Variants in RBFOX2 observed in about 807,000 individuals in gnomAD.
RBFOX2 encodes the protein RNA binding protein fox-1 homolog 2.
Under a neutral mutation model 49.1 loss-of-function variants are expected in RBFOX2, and 10 were observed. That is an observed-to-expected ratio of 0.20 (90% CI 0.13 to 0.35). RBFOX2 has a LOEUF of 0.35. Among genes scored for constraint, RBFOX2 ranks in the 10% least tolerant of loss-of-function variants. RBFOX2 has a pLI of 1.00. For synonymous variants in RBFOX2, 183 were observed against 187.4 expected, an observed-to-expected ratio of 0.98 and a Z score of 0.19; for missense variants, 323 against 486.9, an observed-to-expected ratio of 0.66 and a Z score of 3.17.
At chr22:35,937,340 G>T (rs1247694619) in intron 1 of RBFOX2, among the ~76,000 whole-genome samples, 1 of 152,108 alleles carries the variant, frequency 6.6e-6, no homozygotes, top group Non-Finnish European at 1.5e-5. Flanking sequence ...TTAGATTTAG[G>T]GTAAATGGCC....
At chr22:36,027,281 A>C (rs1361187459) in intron 1 of RBFOX2, among the ~76,000 whole-genome samples, 1 of 152,186 alleles carries the variant, frequency 6.6e-6, no homozygotes, top group African/African-American at 2.4e-5. Context: ...CTAACATCCT[A>C]TGACTCCGAG....
intron 2 of RBFOX2, among the ~76,000 whole-genome samples, chr22:35,791,015 AAAAC>A (rs987666074): frequency 3.3e-5 from 5 of 152,010 alleles, no homozygotes; most frequent in African/African-American, 1.2e-4. Flanking sequence ...CTCAAAACAA[AAAAC>A]AAACACACAC....
chr22:35,959,123 T>C (rs1603458540), intron 1 of RBFOX2, among the ~76,000 whole-genome samples: 2 of 152,178 alleles, frequency 1.3e-5, no homozygotes, highest in Non-Finnish European at 2.9e-5. Context: ...GATTTATCAA[T>C]GAAAGGTTGA....
In RBFOX2 at chr22:35,917,348, T is replaced by G. The variant is rs1166546704; in HGVS notation, c.-34+21499A>C. ...GTCAGGGTCATGTTGAATAGATCTG[T>G]TAGGGTCATGGGGCAGGAAAATGTC... On this transcript the variant is annotated intron_variant, in intron 1 of 13. Coordinates refer to the RBFOX2 transcript ENST00000359369. Among the ~76,000 whole-genome samples, 7 of 151,982 alleles carry G rather than the reference T, an allele frequency of 4.6e-5. No individual in the cohort carries two copies. In the East Asian group the frequency reaches 1.4e-3, roughly 30 times the overall value.
At chr22:35,979,646 G>A (rs1603461457) in intron 1 of RBFOX2, among the ~76,000 whole-genome samples, 1 of 152,158 alleles carries the variant, frequency 6.6e-6, no homozygotes, top group Non-Finnish European at 1.5e-5. Flanking sequence ...CCAGGAGTTT[G>A]GGGTGTTTTG....
At chr22:35,858,187 T>C (rs989805088) in intron 1 of RBFOX2, among the ~76,000 whole-genome samples, 1 of 152,222 alleles carries the variant, frequency 6.6e-6, no homozygotes. Context: ...ATTGGGATAC[T>C]TGATTTCCAA....
intron 2 of RBFOX2, among the ~76,000 whole-genome samples, chr22:35,793,452 T>C (rs1174764758): frequency 3.9e-5 from 6 of 152,234 alleles, no homozygotes; most frequent in Non-Finnish European, 8.8e-5. Context: ...TTAGATCATA[T>C]GCATTCCTTC....
chr22:35,900,817 A>G (rs1179162253), intron 1 of RBFOX2, among the ~76,000 whole-genome samples: 1 of 152,120 alleles, frequency 6.6e-6, no homozygotes, highest in Admixed American at 6.5e-5. Context: ...ATGATAACAA[A>G]AGCCCCAGGT....
chr22:35,897,641 C>G, intron 1 of RBFOX2: 2 of 1,393,898 alleles, frequency 1.4e-6, no homozygotes, highest in Non-Finnish European at 1.0e-6. Context: ...GCATCAGGAT[C>G]CTTAACTGCA....
chr22:35,754,484 TAAGAAATAAC>T (rs1361400130), intron 9 of RBFOX2, among the ~76,000 whole-genome samples: 2 of 152,186 alleles, frequency 1.3e-5, no homozygotes, highest in Non-Finnish European at 2.9e-5. Flanking sequence ...AAACTTGATT[TAAGAAATAAC>T]TCAAATGGAA....
At chr22:35,798,555 G>A (rs1017786271) in intron 2 of RBFOX2, among the ~76,000 whole-genome samples, 5 of 152,118 alleles carry the variant, frequency 3.3e-5, no homozygotes, top group African/African-American at 4.8e-5. Context: ...GAGTAATAAC[G>A]ATACCTATTT....
chr22:35,938,290 T>C (rs2053323459), intron 1 of RBFOX2, among the ~76,000 whole-genome samples: 1 of 152,154 alleles, frequency 6.6e-6, no homozygotes. Flanking sequence ...ACTGAGGGTG[T>C]CTCGTAGGAA....
intron 4 of RBFOX2, among the ~76,000 whole-genome samples, chr22:35,775,667 C>CT (rs533159633): frequency 2.1e-3 from 324 of 151,954 alleles, no homozygotes; most frequent in Non-Finnish European, 3.7e-3. Flanking sequence ...TGGTGAAACT[C>CT]TGTCTGTACT....
At chr22:35,935,415 A>C (rs1316141424) in intron 1 of RBFOX2, among the ~76,000 whole-genome samples, 2 of 152,220 alleles carry the variant, frequency 1.3e-5, no homozygotes, top group African/African-American at 2.4e-5. Flanking sequence ...TAATAGATCA[A>C]GAAAGAAGGC....
At chr22:36,003,782 T>G (rs761939338) in intron 1 of RBFOX2, among the ~76,000 whole-genome samples, 1 of 152,222 alleles carries the variant, frequency 6.6e-6, no homozygotes, top group Non-Finnish European at 1.5e-5. Context: ...GCTCCATAAA[T>G]GGTCACTAAG....
chr22:35,908,405 C>G (rs558194211), intron 1 of RBFOX2, among the ~76,000 whole-genome samples: 5 of 152,174 alleles, frequency 3.3e-5, no homozygotes, highest in African/African-American at 4.8e-5. Context: ...TAAACATGCT[C>G]AGAACACTTA....
At chr22:35,853,702 T>C (rs1200780039) in intron 1 of RBFOX2, among the ~76,000 whole-genome samples, 2 of 149,280 alleles carry the variant, frequency 1.3e-5, no homozygotes, top group African/African-American at 5.0e-5. Flanking sequence ...TGTGTGTGTG[T>C]GTAGCCATTA....
intron 1 of RBFOX2, among the ~76,000 whole-genome samples, chr22:35,820,588 C>T (rs1954245526): frequency 6.6e-6 from 1 of 152,178 alleles, no homozygotes; most frequent in African/African-American, 2.4e-5. Flanking sequence ...CAATTATTTG[C>T]TTACATATGT....
chr22:35,911,634 T>G (rs927295656), intron 1 of RBFOX2, among the ~76,000 whole-genome samples: 1 of 152,228 alleles, frequency 6.6e-6, no homozygotes, highest in African/African-American at 2.4e-5. Flanking sequence ...ATTATTGGTG[T>G]TGTTTACATT....
Sources: allele counts gnomAD v4.1 joint callset (sites outside exome capture counted in the v4.1 genomes callset), GRCh38; gene constraint gnomAD v4.1.1; transcripts MANE v1.5; gene names NCBI Gene and HGNC (gene_info 2026-07-23, HGNC 2026-07-21).